The following EXOC6B variants were observed in gnomAD, a reference collection of about 807,000 sequenced individuals.
EXOC6B encodes the protein SEC15 homolog B.
A neutral mutation model predicts 113.5 loss-of-function variants in EXOC6B; 54 were observed. That is an observed-to-expected ratio of 0.48 (90% CI 0.38 to 0.60). The LOEUF is 0.60. EXOC6B is among the 20% of genes least tolerant of loss of function. The pLI, the probability that EXOC6B is intolerant of heterozygous loss-of-function variation, is 0.00. For missense variants in EXOC6B, 797 were observed against 977.5 expected (o/e 0.82, Z 2.46); for synonymous variants, 357 against 339.0 (o/e 1.05, Z -0.58).
intron 6 of EXOC6B, among the ~76,000 whole-genome samples, chr2:72,627,345 C>G (rs1672115795): frequency 6.6e-6 from 1 of 152,142 alleles, no homozygotes; most frequent in South Asian, 2.1e-4. Flanking sequence ...CAACAGTGTT[C>G]CCTTTACTGG....
At position 72,438,013 on chromosome 2, in the gene EXOC6B, T is replaced by G. The variant is rs534980532; in HGVS notation, c.1980+27147A>C. 1.8e-4 allele frequency among the ~76,000 whole-genome samples: 27 copies of G among 152,308 alleles called. No individual in the cohort carries two copies. The South Asian group carries it at 5.6e-3, about 32-fold the overall frequency. Reference sequence around the variant, plus strand: ...TTCCCCAGAGAAGCAATCTCATTTTTATAACCTCACCATGTGGTTAGATCA... The same window carrying G: ...TTCCCCAGAGAAGCAATCTCATTTTGATAACCTCACCATGTGGTTAGATCA... On this transcript the variant is annotated intron_variant, in intron 18 of 21. Transcript: ENST00000272427.
rs149904997 is a variant in EXOC6B at position 72,788,624 on chromosome 2, C to T, written c.113+37174G>A. Among the ~76,000 whole-genome samples the T allele has an allele frequency of 3.9e-3, 593 of 152,066 alleles. 8 individuals are homozygous for T. The highest frequency in any genetic ancestry group is 0.014 in the African/African-American group (567 of 41,480). ...CCAGCCTGGGCAACACAGTGAGACCCCATCTCTACAAAAAATTTTAAAAAT... is the reference window on the plus strand; with the variant it reads ...CCAGCCTGGGCAACACAGTGAGACCTCATCTCTACAAAAAATTTTAAAAAT... On this transcript the variant is annotated intron_variant, in intron 1 of 21. Transcript: ENST00000272427.
intron 8 of EXOC6B, among the ~76,000 whole-genome samples, chr2:72,525,681 G>T (rs1701715554): frequency 6.6e-6 from 1 of 150,494 alleles, no homozygotes; most frequent in African/African-American, 2.5e-5. Context: ...TTGTAGACAA[G>T]AACATTTTTA....
intron 20 of EXOC6B, among the ~76,000 whole-genome samples, chr2:72,317,438 C>T (rs1687586844): frequency 6.6e-6 from 1 of 151,906 alleles, no homozygotes; most frequent in Admixed American, 6.6e-5. Context: ...GCTGGTACCT[C>T]AGAAAAAACA....
intron 17 of EXOC6B, among the ~76,000 whole-genome samples, chr2:72,473,138 G>T (rs1330507037): frequency 2.0e-5 from 3 of 152,124 alleles, no homozygotes; most frequent in Non-Finnish European, 4.4e-5. Context: ...CTGATGAGAA[G>T]AATGTGTATT....
At chr2:72,582,109 C>A (rs1705258121) in intron 6 of EXOC6B, among the ~76,000 whole-genome samples, 1 of 152,002 alleles carries the variant, frequency 6.6e-6, no homozygotes, top group African/African-American at 2.4e-5. Context: ...GCCAAAAGAC[C>A]CTGCCCAACA....
chr2:72,436,917 C>A (rs1460875286), intron 18 of EXOC6B, among the ~76,000 whole-genome samples: 1 of 152,140 alleles, frequency 6.6e-6, no homozygotes, highest in Non-Finnish European at 1.5e-5. Context: ...TCATCAAACT[C>A]ATTCTCCATC....
At chr2:72,422,513 C>T (rs28884534) in intron 18 of EXOC6B, among the ~76,000 whole-genome samples, 25 of 148,686 alleles carry the variant, frequency 1.7e-4, no homozygotes, top group Non-Finnish European at 3.0e-4. Flanking sequence ...GTGCACCAAT[C>T]GACACTCTGT....
intron 18 of EXOC6B, among the ~76,000 whole-genome samples, chr2:72,399,746 T>G (rs1159848227): frequency 1.3e-5 from 2 of 152,066 alleles, no homozygotes; most frequent in African/African-American, 4.8e-5. Flanking sequence ...TGGTAAAAGA[T>G]TGCTACAAGG....
chr2:72,286,032 T>C (rs1349580805), intron 20 of EXOC6B, among the ~76,000 whole-genome samples: 2 of 152,178 alleles, frequency 1.3e-5, no homozygotes, highest in African/African-American at 4.8e-5. Flanking sequence ...CTCTCACCTA[T>C]TGTTGGTGAA....
chr2:72,618,304 G>T (rs1002941354), intron 6 of EXOC6B, among the ~76,000 whole-genome samples: 2 of 152,076 alleles, frequency 1.3e-5, no homozygotes, highest in African/African-American at 4.8e-5. Context: ...AGGAGGCGGA[G>T]GTTGCAGTAA....
At chr2:72,430,882 A>G (rs1558659520) in intron 18 of EXOC6B, among the ~76,000 whole-genome samples, 1 of 152,222 alleles carries the variant, frequency 6.6e-6, no homozygotes, top group Non-Finnish European at 1.5e-5. Context: ...TGAGAAACAT[A>G]ACATATTATG....
At chr2:72,759,665 A>C (rs995215169) in intron 1 of EXOC6B, among the ~76,000 whole-genome samples, 1 of 152,236 alleles carries the variant, frequency 6.6e-6, no homozygotes, top group Non-Finnish European at 1.5e-5. Flanking sequence ...AATCTAAGAC[A>C]GAAGAACTGA....
At chr2:72,498,192 C>T (rs1490266449) in intron 13 of EXOC6B, among the ~76,000 whole-genome samples, 3 of 152,052 alleles carry the variant, frequency 2.0e-5, no homozygotes, top group Non-Finnish European at 2.9e-5. Context: ...TGATATTTAT[C>T]GAAGGAAACA....
intron 18 of EXOC6B, among the ~76,000 whole-genome samples, chr2:72,383,837 G>C (rs1396529304): frequency 6.6e-6 from 1 of 152,080 alleles, no homozygotes; most frequent in African/African-American, 2.4e-5. Flanking sequence ...ATGAGATCAT[G>C]TTCTTTGCAG....
intron 6 of EXOC6B, among the ~76,000 whole-genome samples, chr2:72,672,560 A>G (rs1156697766): frequency 6.7e-6 from 1 of 149,772 alleles, no homozygotes; most frequent in Non-Finnish European, 1.5e-5. Context: ...AAAAAAAAAA[A>G]AAAAGAAAAA....
chr2:72,643,756 A>G (rs1312021955), intron 6 of EXOC6B, among the ~76,000 whole-genome samples: 1 of 151,806 alleles, frequency 6.6e-6, no homozygotes, highest in Non-Finnish European at 1.5e-5. Flanking sequence ...TAAAACTTGA[A>G]GTATAATTTA....
intron 20 of EXOC6B, among the ~76,000 whole-genome samples, chr2:72,214,834 G>GT (rs1680417194): frequency 6.6e-6 from 1 of 152,168 alleles, no homozygotes; most frequent in Admixed American, 6.5e-5. Flanking sequence ...TTGATGCTAT[G>GT]TTTTTGCATG....
chr2:72,789,851 G>A (rs1267905299), intron 1 of EXOC6B, among the ~76,000 whole-genome samples: 1 of 151,998 alleles, frequency 6.6e-6, no homozygotes, highest in Non-Finnish European at 1.5e-5. Context: ...AAAAAGTTTG[G>A]GTAGCAAAGG....
Sources: allele counts gnomAD v4.1 joint callset (sites outside exome capture counted in the v4.1 genomes callset), GRCh38; gene constraint gnomAD v4.1.1; transcripts MANE v1.5; gene names NCBI Gene and HGNC (gene_info 2026-07-23, HGNC 2026-07-21).